Variants in REDIC1 observed in about 807,000 individuals in gnomAD.
The protein encoded by REDIC1 is HEI10 Interacting Protein 1.
At chr12:39,745,442 C>CT in the REDIC1 span, among the ~76,000 whole-genome samples, 1 of 152,200 alleles carries the variant, frequency 6.6e-6, no homozygotes, top group African/African-American at 2.4e-5. Flanking sequence ...AGTGACTCTG[C>CT]TTCCTCTGAC....
the REDIC1 span, among the ~76,000 whole-genome samples, chr12:39,657,393 A>G: frequency 3.3e-5 from 5 of 152,200 alleles, no homozygotes; most frequent in African/African-American, 4.8e-5. Context: ...TGTTCCCACA[A>G]TGACAAAATT....
the REDIC1 span, among the ~76,000 whole-genome samples, chr12:39,713,245 TACACACAC>T: frequency 2.7e-3 from 179 of 66,038 alleles, 16 homozygotes; most frequent in Middle Eastern, 0.015. Flanking sequence ...TATATATGTG[TACACACAC>T]ATACGTGTAT....
the REDIC1 span, among the ~76,000 whole-genome samples, chr12:39,747,358 A>G: frequency 6.6e-6 from 1 of 152,328 alleles, no homozygotes; most frequent in African/African-American, 2.4e-5. Context: ...AAATGAAGTG[A>G]GAAGAGAAGT....
At chr12:39,719,963 C>A in the REDIC1 span, among the ~76,000 whole-genome samples, 1 of 151,810 alleles carries the variant, frequency 6.6e-6, no homozygotes, top group Admixed American at 6.6e-5. Flanking sequence ...AGCCTATACC[C>A]CTTTTTATAT....
chr12:39,793,443 A>G, the REDIC1 span, among the ~76,000 whole-genome samples: 1 of 152,206 alleles, frequency 6.6e-6, no homozygotes, highest in Non-Finnish European at 1.5e-5. Flanking sequence ...AATCTTAGCA[A>G]TATAAGCTCA....
chr12:39,784,460 A>G, the REDIC1 span, among the ~76,000 whole-genome samples: 1 of 152,354 alleles, frequency 6.6e-6, no homozygotes, highest in Admixed American at 6.5e-5. Flanking sequence ...ACCTGACGAA[A>G]GCAAGAAATG....
At chr12:39,635,987 T>C in the REDIC1 span, among the ~76,000 whole-genome samples, 2 of 152,166 alleles carry the variant, frequency 1.3e-5, no homozygotes, top group Non-Finnish European at 2.9e-5. Context: ...GAAAATATGT[T>C]AAATGTTTCA....
At chr12:39,767,274 C>G in the REDIC1 span, among the ~76,000 whole-genome samples, 1 of 149,704 alleles carries the variant, frequency 6.7e-6, no homozygotes, top group African/African-American at 2.5e-5. Flanking sequence ...GTGTCATTGT[C>G]AATCAGCAGT....
At chr12:39,675,316 T>C in the REDIC1 span, among the ~76,000 whole-genome samples, 5 of 152,074 alleles carry the variant, frequency 3.3e-5, no homozygotes, top group Admixed American at 2.6e-4. Context: ...TGCCCTTACC[T>C]GATTTTTTTT....
At chr12:39,751,184 A>G in the REDIC1 span, among the ~76,000 whole-genome samples, 1 of 152,262 alleles carries the variant, frequency 6.6e-6, no homozygotes. Context: ...GCTAATATCC[A>G]GAATGTACAA....
At chr12:39,901,333 T>A in the REDIC1 span, among the ~76,000 whole-genome samples, 5 of 151,732 alleles carry the variant, frequency 3.3e-5, no homozygotes, top group African/African-American at 1.2e-4. Flanking sequence ...AAGCCAAAAT[T>A]GACAAATGGG....
At chr12:39,759,058 G>C in the REDIC1 span, 1 of 152,358 alleles carries the variant, frequency 6.6e-6, no homozygotes, top group South Asian at 2.1e-4. Flanking sequence ...GGGGAAAAAT[G>C]GTTTGCTTGC....
At chr12:39,886,056 C>T in the REDIC1 span, among the ~76,000 whole-genome samples, 1 of 152,060 alleles carries the variant, frequency 6.6e-6, no homozygotes, top group South Asian at 2.1e-4. Flanking sequence ...GTGTTTAAGC[C>T]CTCTTACACT....
chr12:39,828,630 T>G, the REDIC1 span, among the ~76,000 whole-genome samples: 12 of 152,060 alleles, frequency 7.9e-5, no homozygotes, highest in African/African-American at 2.9e-4. Flanking sequence ...AAATTAATTA[T>G]GTAAAATACA....
At chr12:39,854,505 A>G in the REDIC1 span, among the ~76,000 whole-genome samples, 3 of 152,114 alleles carry the variant, frequency 2.0e-5, no homozygotes, top group South Asian at 2.1e-4. Flanking sequence ...TGCCTTTAAC[A>G]TTTATTTGTA....
the REDIC1 span, among the ~76,000 whole-genome samples, chr12:39,839,506 A>G: frequency 2.0e-5 from 3 of 152,178 alleles, no homozygotes; most frequent in East Asian, 5.8e-4. Flanking sequence ...TGGTTGTCTC[A>G]TGGGTAACTC....
the REDIC1 span, among the ~76,000 whole-genome samples, chr12:39,713,445 T>TATGTATACATACATTTGTATATATAC: frequency 7.2e-6 from 1 of 139,286 alleles, no homozygotes; most frequent in South Asian, 2.2e-4. Flanking sequence ...TACATATACA[T>TATGTATACATACATTTGTATATATAC]ATGTATACAT....
the REDIC1 span, among the ~76,000 whole-genome samples, chr12:39,669,198 T>G: frequency 6.6e-6 from 1 of 152,176 alleles, no homozygotes; most frequent in Non-Finnish European, 1.5e-5. Context: ...CTACCTTTGG[T>G]CTTTGATGAT....
the REDIC1 span, among the ~76,000 whole-genome samples, chr12:39,669,777 C>T: frequency 6.6e-6 from 1 of 152,210 alleles, no homozygotes; most frequent in South Asian, 2.1e-4. Flanking sequence ...AGCCTGGCTG[C>T]CGCCTTGCAG....
Sources: allele counts gnomAD v4.1 joint callset (sites outside exome capture counted in the v4.1 genomes callset), GRCh38; gene constraint gnomAD v4.1.1; transcripts MANE v1.5; gene names NCBI Gene and HGNC (gene_info 2026-07-23, HGNC 2026-07-21).